Variants in TMEM225B observed in about 807,000 individuals in gnomAD.
TMEM225B encodes transmembrane protein 225B.
A neutral mutation model predicts 16.9 loss-of-function variants in TMEM225B; 10 were observed. That is an observed-to-expected ratio of 0.59 (90% CI 0.36 to 1.00). The LOEUF (loss-of-function observed/expected upper bound fraction) is 1.00. TMEM225B is among the 50% of genes least tolerant of loss of function. TMEM225B has a pLI of 0.01. For missense variants in TMEM225B, 217 were observed against 267.0 expected, an observed-to-expected ratio of 0.81 and a Z score of 1.30; for synonymous variants, 92 against 109.8, an observed-to-expected ratio of 0.84 and a Z score of 1.01.
intron 4 of TMEM225B, among the ~76,000 whole-genome samples, chr7:99,607,298 T>C (rs1394056432): frequency 6.6e-6 from 1 of 152,064 alleles, no homozygotes; most frequent in Non-Finnish European, 1.5e-5. Context: ...CTGGCCCCTT[T>C]TGACATTTAT....
chr7:99,604,444 C>G lies in TMEM225B; in HGVS notation c.56C>G (p.Ala19Gly). The change falls in exon 3 of 6, where the codon GCC (alanine) becomes GGC (glycine). Residue 19 changes from alanine to glycine, a missense_variant. Transcript: ENST00000431679. ...GGATTCTCCTGGGCCATAGTCCCAG[C>G]CTTAACCTCCCTAGGCTACCTGATT... Reference protein sequence around the residue: ...MKGFSWAIVPALTSLGYLIIL... With the variant: ...MKGFSWAIVPGLTSLGYLIIL... 1 of 1,536,058 alleles carries G rather than the reference C, an allele frequency of 6.5e-7. No individual in the cohort carries two copies. The highest frequency in any genetic ancestry group is 8.7e-7 in the Non-Finnish European group (1 of 1,146,856).
intron 1 of TMEM225B, among the ~76,000 whole-genome samples, chr7:99,599,859 C>T (rs999950328): frequency 6.6e-6 from 1 of 152,246 alleles, no homozygotes; most frequent in Non-Finnish European, 1.5e-5. Context: ...CATTCCCTCT[C>T]TCCAGCTCTC....
rs1806274554 is a variant in TMEM225B at position 99,610,734 on chromosome 7, T to C, written c.*169T>C. 9.3e-6 allele frequency: 5 copies of C among 535,126 alleles called. No homozygotes were observed. The Admixed American group carries it at 1.6e-4, about 17-fold the overall frequency. 33.1% of individuals were successfully genotyped at this position (535,126 alleles called of 1,614,324 possible). ...TCACAGTGATTCTATCTTGCTTGTA[T>C]GTGAAATTTGCTAAAAGTCCTTTCA... is the stretch of plus-strand genomic sequence containing the variant. On this transcript the variant is annotated 3_prime_UTR_variant, in exon 6 of 6. Transcript: ENST00000431679.
At chr7:99,608,716 A>AATAT (rs770509440) in intron 5 of TMEM225B, among the ~76,000 whole-genome samples, 12 of 116,306 alleles carry the variant, frequency 1.0e-4, no homozygotes, top group Non-Finnish European at 1.4e-4. Flanking sequence ...GTTAAAAAAA[A>AATAT]ATATATATAT....
At chr7:99,607,003 T>A (rs1303285682) in intron 4 of TMEM225B, 109 bp downstream of exon 4, 4 of 1,276,952 alleles carry the variant, frequency 3.1e-6, no homozygotes, top group Non-Finnish European at 4.3e-6. Context: ...ATTTTTCTTT[T>A]TAGGGACAGG....
chr7:99,606,586 T>C (rs903374044), intron 3 of TMEM225B, among the ~76,000 whole-genome samples, 162 bp from the exon 4 acceptor site: 2 of 152,236 alleles, frequency 1.3e-5, no homozygotes, highest in Non-Finnish European at 2.9e-5. Flanking sequence ...CAAAGCATTC[T>C]TGGGGCCAAA....
intron 2 of TMEM225B, among the ~76,000 whole-genome samples, chr7:99,602,253 C>T (rs924112285): frequency 3.3e-5 from 5 of 152,220 alleles, no homozygotes; most frequent in African/African-American, 1.2e-4. Context: ...CTTCCCATTG[C>T]TGGATAACTC....
rs72285430 is a variant in TMEM225B, at chr7:99,608,839, G to GTATATATATATATATATATATATA, written c.493+1049_493+1050insTATATATATATATATATATATATA. Among the ~76,000 whole-genome samples the GTATATATATATATATATATATATA allele has an allele frequency of 4.4e-3, 585 of 132,390 alleles. 3 individuals carry two copies. Among genetic ancestry groups the GTATATATATATATATATATATATA allele is most frequent in the Middle Eastern group, 8.4e-3 (2 of 238 alleles). 86.9% of individuals were successfully genotyped at this position (132,390 alleles called of 152,430 possible). On this transcript the variant is annotated intron_variant, in intron 5 of 5. Transcript: ENST00000431679. The stretch of plus-strand genomic sequence containing the variant: ...CATACATATATGTGTGTGTGTGCAC[G>GTATATATATATATATATATATATA]TATATATATATATATATATACACAC...
chr7:99,600,380 G>A, intron 2 of TMEM225B, 95 bp downstream of exon 2: 1 of 687,070 alleles, frequency 1.5e-6, no homozygotes, highest in Non-Finnish European at 2.7e-6. Flanking sequence ...GTGGGGTTTG[G>A]AAAATCTGGG....
intron 3 of TMEM225B, 108 bp downstream of exon 3, chr7:99,604,704 T>A: frequency 1.1e-6 from 1 of 877,082 alleles, no homozygotes; most frequent in Non-Finnish European, 1.8e-6. Context: ...AAAATCTAAT[T>A]AGCTCAGGGC....
chr7:99,608,338 G>C (rs1205223318), intron 5 of TMEM225B, among the ~76,000 whole-genome samples: 5 of 152,058 alleles, frequency 3.3e-5, no homozygotes, highest in Non-Finnish European at 7.4e-5. Context: ...TATGTCCAGT[G>C]GCTATTGGAC....
intron 2 of TMEM225B, among the ~76,000 whole-genome samples, chr7:99,601,453 C>T (rs768916673): frequency 7.2e-5 from 11 of 152,020 alleles, no homozygotes; most frequent in Non-Finnish European, 1.6e-4. Context: ...ATTAGCTGGG[C>T]GTGGTGGCAC....
Position 99,606,830 on chromosome 7 carries a change from A to G in TMEM225B, c.291A>G (p.Ala97=), listed in dbSNP as rs1180227348. The change falls in exon 4 of 6, where the codon GCA becomes GCG. Residue 97 remains alanine, a synonymous_variant. Coordinates refer to ENST00000431679, the MANE Select transcript of TMEM225B (RefSeq NM_001195541.3). ...CCACCTTCATCATGATGCCCTTTGCATCCGAGTTCTTCCCGAGGACCTGGA... is the reference window on the plus strand; with the variant it reads ...CCACCTTCATCATGATGCCCTTTGCGTCCGAGTTCTTCCCGAGGACCTGGA... ...FVTTFIMMPF[A]SEFFPRTWKQ... 4.6e-6 allele frequency: 7 copies of G among 1,536,056 alleles called. No individual in the cohort carries two copies. Among genetic ancestry groups the G allele is most frequent in the Non-Finnish European group, 6.1e-6 (7 of 1,146,890 alleles).
intron 3 of TMEM225B, among the ~76,000 whole-genome samples, 156 bp from the exon 4 acceptor site, chr7:99,606,592 C>A (rs1805826782): frequency 6.6e-6 from 1 of 152,146 alleles, no homozygotes; most frequent in South Asian, 2.1e-4. Flanking sequence ...ATTCTTGGGG[C>A]CAAAGTGGCA....
rs553350969 is a variant in TMEM225B, at chr7:99,600,280, C to T, written c.-9C>T. The stretch of plus-strand genomic sequence containing the variant: ...CCATTGGCCTACATTGGGAGTGGGG[C>T]GACCTGTAAGTGCACAGTGAATTTT... On this transcript the variant is annotated 5_prime_UTR_variant, in exon 2 of 6. Transcript: ENST00000431679. 37 of 702,862 alleles carry T rather than the reference C, an allele frequency of 5.3e-5. No individual in the cohort carries two copies. The highest frequency in any genetic ancestry group is 7.5e-5 in the Non-Finnish European group (29 of 384,962). The allele number at this position is 702,862 out of a possible 1,614,324, so 43.5% of individuals were successfully genotyped here. A position where few individuals can be genotyped will look rare whatever the true frequency, so the allele number is the denominator to read the frequency against.
chr7:99,606,635 G>A, intron 3 of TMEM225B, 113 bp from the exon 4 acceptor site: 3 of 928,500 alleles, frequency 3.2e-6, no homozygotes, highest in Non-Finnish European at 4.7e-6. Context: ...GCCATGCTTT[G>A]GGATCTAAGG....
intron 5 of TMEM225B, among the ~76,000 whole-genome samples, chr7:99,609,997 C>T (rs1806204766): frequency 6.6e-6 from 1 of 152,210 alleles, no homozygotes; most frequent in African/African-American, 2.4e-5. Context: ...CTCGGCTTCC[C>T]AAAGCACTGG....
chr7:99,606,738 T>A lies in TMEM225B; in HGVS notation c.209-10T>A. 1 of 1,535,652 alleles carries A rather than the reference T, an allele frequency of 6.5e-7. No homozygotes were observed. Among genetic ancestry groups the A allele is most frequent in the Non-Finnish European group, 8.7e-7 (1 of 1,146,662 alleles). ...TCCCAGCTTCAGCCCCACTTCTCCC[T>A]CCCCTGCAGTTTACATCATCCTCGG... On this transcript the variant is annotated splice_polypyrimidine_tract_variant and intron_variant, in intron 3 of 5. Transcript: ENST00000431679.
chr7:99,601,818 C>T (rs1053821812), intron 2 of TMEM225B, among the ~76,000 whole-genome samples: 1 of 152,178 alleles, frequency 6.6e-6, no homozygotes, highest in African/African-American at 2.4e-5. Context: ...CGCCCCCTTC[C>T]CTGGCTGCAG....
Sources: gnomAD v4.1 joint callset for allele counts (sites outside exome capture counted in the v4.1 genomes callset) on GRCh38, gnomAD v4.1.1 for gene constraint, MANE v1.5 for transcripts, NCBI Gene and HGNC (gene_info 2026-07-23, HGNC 2026-07-21) for gene names.